Variants in ANKRD13B observed in about 807,000 individuals in gnomAD.
ANKRD13B encodes the protein ankyrin repeat domain-containing protein 13B.
In ANKRD13B, 33 loss-of-function variants were observed where a neutral mutation model predicts 74.4. That is an observed-to-expected ratio of 0.44 (90% CI 0.34 to 0.59). ANKRD13B has a LOEUF of 0.59. ANKRD13B is among the 20% of genes least tolerant of loss of function. The probability of loss-of-function intolerance (pLI) is 0.02; values close to 1 mark genes in which losing one functional copy is unlikely to be tolerated. For missense variants in ANKRD13B, 676 were observed against 877.9 expected (o/e 0.77, Z 2.91); for synonymous variants, 341 against 362.9 (o/e 0.94, Z 0.68).
Position 29,607,801 on chromosome 17 carries a change from GGGGCACCTTGAGT to G in ANKRD13B, c.176_188del (p.Gly59ValfsTer27). ...CTCCCCTGCACCTGGCCACCACGCT[GGGGCACCTTGAGT>G]GTGCCCGTGTGCTCCTGGCGCACGG... On this transcript the variant is annotated frameshift_variant, in exon 2 of 15. Coordinates refer to ENST00000394859, the MANE Select transcript of ANKRD13B (RefSeq NM_152345.5). LOFTEE classifies it high-confidence loss of function. The G allele has an allele frequency of 6.2e-7, 1 of 1,603,880 alleles. No individual in the cohort carries two copies. The highest frequency in any genetic ancestry group is 8.5e-7 in the Non-Finnish European group (1 of 1,179,814).
rs556384866 is a variant in ANKRD13B, at chr17:29,614,235, A to ATTTTTTT, written c.*666_*672dup. On this transcript the variant is annotated 3_prime_UTR_variant, in exon 15 of 15. Coordinates refer to ENST00000394859, the MANE Select transcript of ANKRD13B (RefSeq NM_152345.5). ...GTTGGAGTCCCATCCCCCAAGGCAC[A>ATTTTTTT]TTTTTTTTTTTTTTTTTTTGTGATC... is the stretch of plus-strand genomic sequence containing the variant. 7.8e-6 allele frequency: 1 copy of ATTTTTTT among 127,720 alleles called. No homozygotes were observed. Among genetic ancestry groups the ATTTTTTT allele is most frequent in the Non-Finnish European group, 1.7e-5 (1 of 59,744 alleles). The allele number at this position is 127,720 out of a possible 1,614,324, so 7.9% of individuals were successfully genotyped here. A position where few individuals can be genotyped will look rare whatever the true frequency, so the allele number is the denominator to read the frequency against.
chr17:29,604,763 G>C (rs1403994406), intron 1 of ANKRD13B, among the ~76,000 whole-genome samples: 3 of 151,846 alleles, frequency 2.0e-5, no homozygotes, highest in South Asian at 2.1e-4. Context: ...GGCTGGTCTT[G>C]AACTCCTGAC....
At chr17:29,613,289 T>C in intron 14 of ANKRD13B, 65 bp from the exon 15 acceptor site, 1 of 1,385,532 alleles carries the variant, frequency 7.2e-7, no homozygotes, top group Non-Finnish European at 9.3e-7. Flanking sequence ...CTCCACGCCG[T>C]GTCCCGGCCC....
intron 1 of ANKRD13B, among the ~76,000 whole-genome samples, chr17:29,607,274 C>T (rs1243840729): frequency 6.6e-6 from 1 of 152,214 alleles, no homozygotes; most frequent in African/African-American, 2.4e-5. Flanking sequence ...TTTGTTAAAC[C>T]TCACTCAGTG....
In ANKRD13B at chr17:29,612,408, C is replaced by G; in HGVS notation, c.1265C>G (p.Pro422Arg). The change falls in exon 12 of 15, where the codon CCG becomes CGG. Residue 422 changes from proline (P) to arginine (R), a missense_variant. Transcript: ENST00000394859. This position sits in a 1 kb window ranked among gnomAD's most constrained non-coding sequence, Gnocchi z 6.1. ...PPGFPVKIEI[P>R]IFHILNARIT... ...AAGGTTTCCTCATCCTCAGAAATCC[C>G]GATCTTCCACATCCTCAACGCCCGC... 1 of 1,612,546 alleles carries G rather than the reference C, an allele frequency of 6.2e-7. No homozygotes were observed. The highest frequency in any genetic ancestry group is 2.2e-5 in the East Asian group (1 of 44,834).
In ANKRD13B at chr17:29,598,722, A is replaced by AT. The variant is rs1009097318; in HGVS notation, c.114+4996dup. 8.7e-4 allele frequency among the ~76,000 whole-genome samples: 130 copies of AT among 150,278 alleles called. 1 individual carries two copies. In the East Asian group the frequency reaches 0.017, roughly 19 times the overall value. On this transcript the variant is annotated intron_variant, in intron 1 of 14. Transcript: ENST00000394859. ...GCCACCATGCCTGGCTAATTTTTGTATTTTTTTTTGTAGAGATGGGGTCTT... is the reference window on the plus strand; with the variant it reads ...GCCACCATGCCTGGCTAATTTTTGTATTTTTTTTTTGTAGAGATGGGGTCTT...
chr17:29,613,593 C>G lies in ANKRD13B; in HGVS notation c.*11C>G. The G allele has an allele frequency of 1.4e-6, 2 of 1,418,082 alleles. No homozygotes were observed. Among genetic ancestry groups the G allele is most frequent in the Non-Finnish European group, 1.8e-6 (2 of 1,083,168 alleles). 87.8% of individuals were successfully genotyped at this position (1,418,082 alleles called of 1,614,324 possible). ...CTGACCGAGCAGTAGCGCCCCCTGC[C>G]GGGACCCTCGCCAGCGCCACGCGCG... On this transcript the variant is annotated 3_prime_UTR_variant, in exon 15 of 15. Transcript: ENST00000394859.
chr17:29,613,198 C>G, intron 14 of ANKRD13B, 156 bp from the exon 15 acceptor site: 1 of 1,284,398 alleles, frequency 7.8e-7, no homozygotes, highest in Non-Finnish European at 1.0e-6. Context: ...GTCTGGGCTC[C>G]GCCACGACCA....
chr17:29,594,923 T>C (rs1239281175), intron 1 of ANKRD13B, among the ~76,000 whole-genome samples: 8 of 152,304 alleles, frequency 5.3e-5, no homozygotes, highest in African/African-American at 1.9e-4. Flanking sequence ...GTCTCTGAAG[T>C]CCCACGCTGA....
intron 1 of ANKRD13B, among the ~76,000 whole-genome samples, chr17:29,596,356 GC>G (rs1254014982): frequency 3.9e-5 from 6 of 152,234 alleles, no homozygotes; most frequent in Admixed American, 3.9e-4. Flanking sequence ...CCAGCCCGGT[GC>G]CCTGCTTGCC....
chr17:29,608,288 C>T lies in ANKRD13B; in HGVS notation c.421+48C>T, dbSNP rs1160891037. 1.9e-6 allele frequency: 3 copies of T among 1,610,908 alleles called. No homozygotes were observed. Among genetic ancestry groups the T allele is most frequent in the South Asian group, 2.2e-5 (2 of 90,808 alleles). The stretch of plus-strand genomic sequence containing the variant: ...CTTCTGGGCTCTCCCACTTTAGGTC[C>T]TGCGCTTGCTCCCCTGCCTGGAATG... On this transcript the variant is annotated intron_variant, in intron 4 of 14. Transcript: ENST00000394859. The surrounding 1 kb of genome is among the most constrained non-coding windows in gnomAD (Gnocchi z 6.4).
At chr17:29,604,249 C>G (rs1409531033) in intron 1 of ANKRD13B, among the ~76,000 whole-genome samples, 1 of 151,736 alleles carries the variant, frequency 6.6e-6, no homozygotes. Flanking sequence ...TGCTCTGTCA[C>G]CCAGGCTTGA....
At chr17:29,610,621 C>T in intron 7 of ANKRD13B, 64 bp from the exon 8 acceptor site, 1 of 1,513,690 alleles carries the variant, frequency 6.6e-7, no homozygotes, top group South Asian at 1.2e-5. Context: ...TCCCAGTGCC[C>T]TTAGGGGTAA....
intron 1 of ANKRD13B, among the ~76,000 whole-genome samples, chr17:29,598,114 A>T (rs1242003706): frequency 6.6e-6 from 1 of 152,028 alleles, no homozygotes; most frequent in Non-Finnish European, 1.5e-5. Flanking sequence ...CCAGGTTGCA[A>T]GCCCCGGAGT....
At chr17:29,602,752 T>G (rs2034227933) in intron 1 of ANKRD13B, among the ~76,000 whole-genome samples, 1 of 152,232 alleles carries the variant, frequency 6.6e-6, no homozygotes, top group African/African-American at 2.4e-5. Context: ...AGGGTCAGAA[T>G]GTGATGTGGA....
At chr17:29,598,330 C>T (rs2034032136) in intron 1 of ANKRD13B, among the ~76,000 whole-genome samples, 1 of 152,098 alleles carries the variant, frequency 6.6e-6, no homozygotes, top group African/African-American at 2.4e-5. Flanking sequence ...CAATGGAGTT[C>T]ATGGTCATGC....
rs753574234 is a variant in ANKRD13B, at chr17:29,609,077, G to T, written c.566-9G>T. ...CCCTGATCCCCCTGTGCTGTTCCGT[G>T]TCTGGCAGACACAAGCGCCGTGGTC... is the stretch of plus-strand genomic sequence containing the variant. On this transcript the variant is annotated splice_polypyrimidine_tract_variant and intron_variant, in intron 5 of 14. Transcript: ENST00000394859. The surrounding 1 kb of genome is among the most constrained non-coding windows in gnomAD (Gnocchi z 4.0). 5 of 1,610,982 alleles carry T rather than the reference G, an allele frequency of 3.1e-6. No homozygotes were observed. The African/African-American group carries it at 4.0e-5, about 13-fold the overall frequency.
At position 29,612,328 on chromosome 17, in the gene ANKRD13B, A is replaced by ATGAGGTCGGGGTGGGGC; in HGVS notation, c.1258+61_1259-52dup. 6.2e-7 allele frequency: 1 copy of ATGAGGTCGGGGTGGGGC among 1,612,082 alleles called. No homozygotes were observed. Among genetic ancestry groups the ATGAGGTCGGGGTGGGGC allele is most frequent in the Non-Finnish European group, 8.5e-7 (1 of 1,178,584 alleles). On this transcript the variant is annotated intron_variant, in intron 11 of 14. Transcript: ENST00000394859. This position sits in a 1 kb window ranked among gnomAD's most constrained non-coding sequence, Gnocchi z 6.1. ...CCGTGGCGGGCCGACCGGGGTTTAG[A>ATGAGGTCGGGGTGGGGC]TGAGGTCGGGGTGGGGCTGAGGCTG...
intron 1 of ANKRD13B, among the ~76,000 whole-genome samples, chr17:29,606,560 AAAACAAAC>A (rs202011846): frequency 2.6e-5 from 4 of 151,218 alleles, no homozygotes; most frequent in Admixed American, 1.3e-4. Flanking sequence ...TCTGTCTCAA[AAAACAAAC>A]AAACAAACAA....
Sources: allele counts gnomAD v4.1 joint callset (sites outside exome capture counted in the v4.1 genomes callset), GRCh38; gene constraint gnomAD v4.1.1; non-coding constraint Gnocchi (gnomAD v3.1); transcripts MANE v1.5; gene names NCBI Gene and HGNC (gene_info 2026-07-23, HGNC 2026-07-21).